Variants in CAMK4 observed in about 807,000 individuals in gnomAD.
The protein encoded by CAMK4 is calcium/calmodulin dependent protein kinase IV, also known as calcium/calmodulin-dependent protein kinase type IV.
Under a neutral mutation model 44.9 loss-of-function variants are expected in CAMK4, and 22 were observed. That is an observed-to-expected ratio of 0.49 (90% CI 0.35 to 0.70). The LOEUF (loss-of-function observed/expected upper bound fraction) is 0.70. CAMK4 is among the 30% of genes least tolerant of loss of function. The pLI, the probability that CAMK4 is intolerant of heterozygous loss-of-function variation, is 0.01. For synonymous variants in CAMK4, 218 were observed against 215.4 expected, an observed-to-expected ratio of 1.01 and a Z score of -0.11; for missense variants, 498 against 586.8, an observed-to-expected ratio of 0.85 and a Z score of 1.56.
Position 111,489,527 on chromosome 5 carries a change from G to C in CAMK4, c.*5061G>C, listed in dbSNP as rs141628936. 2.5e-4 allele frequency: 38 copies of C among 152,306 alleles called. No homozygotes were observed. Among genetic ancestry groups the C allele is most frequent in the African/African-American group, 8.9e-4 (37 of 41,562 alleles). 9.4% of individuals were successfully genotyped at this position (152,306 alleles called of 1,614,324 possible). A position where few individuals can be genotyped will look rare whatever the true frequency, so the allele number is the denominator to read the frequency against. On this transcript the variant is annotated 3_prime_UTR_variant, in exon 11 of 11. Transcript: ENST00000282356. Reference sequence around the variant, plus strand: ...AAATGCTCTGTGATGTACTCAAGACGATTGGGTTGTGTGATACTAACTTCC... The same window carrying C: ...AAATGCTCTGTGATGTACTCAAGACCATTGGGTTGTGTGATACTAACTTCC...
chr5:111,431,400 T>C (rs2112939814), intron 5 of CAMK4, among the ~76,000 whole-genome samples: 1 of 152,210 alleles, frequency 6.6e-6, no homozygotes, highest in South Asian at 2.1e-4. Flanking sequence ...CCTCAAACTA[T>C]GAAACTACTA....
At chr5:111,388,034 A>T (rs1195486668) in intron 4 of CAMK4, among the ~76,000 whole-genome samples, 1 of 152,194 alleles carries the variant, frequency 6.6e-6, no homozygotes, top group South Asian at 2.1e-4. Context: ...AAATATTTAA[A>T]ATGGGATGTC....
intron 1 of CAMK4, among the ~76,000 whole-genome samples, chr5:111,321,227 C>CA (rs1324004402): frequency 6.6e-6 from 1 of 152,122 alleles, no homozygotes; most frequent in Non-Finnish European, 1.5e-5. Flanking sequence ...CTGTCAAAAA[C>CA]AGTTGCTGCT....
chr5:111,352,235 A>G (rs1392682859), intron 2 of CAMK4, among the ~76,000 whole-genome samples: 4 of 152,130 alleles, frequency 2.6e-5, no homozygotes, highest in African/African-American at 9.7e-5. Context: ...AAAAGCACCA[A>G]AGCCCAAATA....
intron 7 of CAMK4, among the ~76,000 whole-genome samples, chr5:111,468,583 A>C (rs1355668867): frequency 2.0e-5 from 3 of 152,148 alleles, no homozygotes; most frequent in Non-Finnish European, 4.4e-5. Context: ...TAGAGCCTGA[A>C]CTTTATTGTA....
intron 4 of CAMK4, among the ~76,000 whole-genome samples, chr5:111,392,336 A>C (rs535093954): frequency 4.6e-5 from 7 of 152,110 alleles, no homozygotes; most frequent in Non-Finnish European, 1.0e-4. Flanking sequence ...ACACACTTCA[A>C]CTATAAGATC....
At chr5:111,267,366 A>G (rs1041971256) in intron 1 of CAMK4, among the ~76,000 whole-genome samples, 2 of 152,108 alleles carry the variant, frequency 1.3e-5, no homozygotes, top group Non-Finnish European at 2.9e-5. Flanking sequence ...ATTCAGAACT[A>G]TGTGTTTTTG....
At chr5:111,320,762 TCCCAAA>T (rs1561409288) in intron 1 of CAMK4, among the ~76,000 whole-genome samples, 1 of 152,196 alleles carries the variant, frequency 6.6e-6, no homozygotes. Context: ...CGCCTCGGCC[TCCCAAA>T]GTGCTGGGAT....
intron 5 of CAMK4, among the ~76,000 whole-genome samples, chr5:111,429,822 A>G (rs1420492346): frequency 6.8e-6 from 1 of 146,088 alleles, no homozygotes; most frequent in East Asian, 2.0e-4. Context: ...GTAATAAAAA[A>G]CCTCCTAGTA....
intron 1 of CAMK4, among the ~76,000 whole-genome samples, chr5:111,326,403 T>C (rs1412309479): frequency 6.6e-6 from 1 of 151,778 alleles, no homozygotes; most frequent in Admixed American, 6.6e-5. Flanking sequence ...ACATAAGAAA[T>C]AAAAATAGAA....
intron 2 of CAMK4, among the ~76,000 whole-genome samples, chr5:111,347,519 A>G (rs1290957633): frequency 6.6e-6 from 1 of 152,000 alleles, no homozygotes; most frequent in African/African-American, 2.4e-5. Context: ...TCTCCCTAGA[A>G]GGAACTCAAA....
At chr5:111,397,689 GTGTT>G (rs58871544) in intron 5 of CAMK4, among the ~76,000 whole-genome samples, 16,005 of 127,808 alleles carry the variant, frequency 0.13, 1,005 homozygotes, top group East Asian at 0.22. Flanking sequence ...GTGTGTGTGT[GTGTT>G]TGCAGTTTAC....
intron 2 of CAMK4, among the ~76,000 whole-genome samples, chr5:111,367,501 A>G (rs2112808514): frequency 6.6e-6 from 1 of 152,218 alleles, no homozygotes; most frequent in East Asian, 1.9e-4. Context: ...CTGTGATTGG[A>G]CAAAACTCTG....
intron 5 of CAMK4, among the ~76,000 whole-genome samples, chr5:111,404,717 T>G: frequency 6.6e-6 from 1 of 152,236 alleles, no homozygotes; most frequent in East Asian, 1.9e-4. Flanking sequence ...GGAAGTATAA[T>G]GAGTCATGTT....
chr5:111,456,815 T>C (rs896080677), intron 7 of CAMK4, among the ~76,000 whole-genome samples: 1 of 152,220 alleles, frequency 6.6e-6, no homozygotes, highest in Admixed American at 6.5e-5. Context: ...TGTATCCTTC[T>C]GTGTAACTTA....
intron 9 of CAMK4, among the ~76,000 whole-genome samples, chr5:111,479,511 A>T (rs1324985242): frequency 2.0e-5 from 3 of 152,136 alleles, no homozygotes; most frequent in Non-Finnish European, 4.4e-5. Context: ...TGAATCATAG[A>T]AGGTTAGATA....
chr5:111,441,254 A>G (rs1362549254), intron 5 of CAMK4, among the ~76,000 whole-genome samples: 6 of 152,224 alleles, frequency 3.9e-5, no homozygotes, highest in Non-Finnish European at 8.8e-5. Flanking sequence ...CAAATATTGC[A>G]TTTATTTTAT....
At chr5:111,455,473 G>T (rs746397094) in intron 7 of CAMK4, among the ~76,000 whole-genome samples, 2 of 152,190 alleles carry the variant, frequency 1.3e-5, no homozygotes, top group Admixed American at 6.5e-5. Context: ...GTGAAGGCAT[G>T]ATGAAAGTGT....
chr5:111,490,018 C>T lies in CAMK4; in HGVS notation c.*5552C>T, dbSNP rs1561521902. 2 of 152,174 alleles carry T rather than the reference C, an allele frequency of 1.3e-5. No individual in the cohort carries two copies. Among genetic ancestry groups the T allele is most frequent in the Non-Finnish European group, 2.9e-5 (2 of 68,028 alleles). The allele number at this position is 152,174 out of a possible 1,614,324, so 9.4% of individuals were successfully genotyped here. A position where few individuals can be genotyped will look rare whatever the true frequency, so the allele number is the denominator to read the frequency against. Reference sequence around the variant, plus strand: ...CTATTCTAAACAGTTGTTTTCAGCTCATTTTGAAGATTGACCTGGAAAACA... The same window carrying T: ...CTATTCTAAACAGTTGTTTTCAGCTTATTTTGAAGATTGACCTGGAAAACA... On this transcript the variant is annotated 3_prime_UTR_variant, in exon 11 of 11. Transcript: ENST00000282356.
Sources: allele counts gnomAD v4.1 joint callset (sites outside exome capture counted in the v4.1 genomes callset), GRCh38; gene constraint gnomAD v4.1.1; transcripts MANE v1.5; gene names NCBI Gene and HGNC (gene_info 2026-07-23, HGNC 2026-07-21).